Variants in CCDC141 observed in about 807,000 individuals in gnomAD.
CCDC141 encodes the protein coiled-coil domain-containing protein 141.
A neutral mutation model predicts 181.0 loss-of-function variants in CCDC141; 168 were observed. The observed-to-expected ratio is 0.93, with a 90% CI of 0.82 to 1.05. The LOEUF (loss-of-function observed/expected upper bound fraction) is 1.05. Ranked by LOEUF, CCDC141 falls within the 50% of genes least tolerant of loss-of-function variation. The probability of loss-of-function intolerance (pLI) is 0.00; values close to 1 mark genes in which losing one functional copy is unlikely to be tolerated. For missense variants in CCDC141, 1,902 were observed against 1,788.5 expected (o/e 1.06, Z -1.14); for synonymous variants, 666 against 642.3 (o/e 1.04, Z -0.56).
Position 178,905,380 on chromosome 2 carries a change from G to T in CCDC141, c.1214C>A (p.Thr405Asn), listed in dbSNP as rs1483739514. Reference protein sequence around the residue: ...ELHRKIKDCTTDALQKGQTLI... With the variant: ...ELHRKIKDCTNDALQKGQTLI... ...GGTTTGTCCCTTTTGCAAAGCATCA[G>T]TTGTGCAGTCTTTAATTTTTCTGTG... is the stretch of plus-strand genomic sequence containing the variant. The change falls in exon 8 of 24, where the codon ACT becomes AAT. Residue 405 changes from threonine to asparagine, a missense_variant. Coordinates refer to ENST00000443758, the MANE Select transcript of CCDC141 (RefSeq NM_173648.4). The T allele has an allele frequency of 6.4e-7, 1 of 1,550,634 alleles. No individual in the cohort carries two copies. Among genetic ancestry groups the T allele is most frequent in the Admixed American group, 2.0e-5 (1 of 50,986 alleles).
intron 2 of CCDC141, among the ~76,000 whole-genome samples, chr2:179,034,665 G>A (rs1353218530): frequency 1.3e-5 from 2 of 152,130 alleles, no homozygotes; most frequent in African/African-American, 4.8e-5. Context: ...AAAAGGTTGT[G>A]TCAGTCCAAA....
At chr2:178,984,542 C>A (rs961293484) in intron 2 of CCDC141, among the ~76,000 whole-genome samples, 2 of 151,440 alleles carry the variant, frequency 1.3e-5, no homozygotes, top group South Asian at 4.2e-4. Context: ...AGAGTCAAGA[C>A]CCATCAGTGT....
At chr2:178,873,937 T>C (rs571264163) in intron 12 of CCDC141, 1 of 152,198 alleles carries the variant, frequency 6.6e-6, no homozygotes, top group Non-Finnish European at 1.5e-5. Flanking sequence ...ATTAATAAAT[T>C]AGCACTTTCA....
intron 2 of CCDC141, among the ~76,000 whole-genome samples, chr2:178,988,290 A>C (rs1691853230): frequency 7.6e-6 from 1 of 130,926 alleles, no homozygotes; most frequent in East Asian, 2.3e-4. Context: ...GGACACAGGA[A>C]GGGGAACATC....
At chr2:178,852,110 C>T (rs1685190125) in intron 20 of CCDC141, among the ~76,000 whole-genome samples, 1 of 152,188 alleles carries the variant, frequency 6.6e-6, no homozygotes, top group South Asian at 2.1e-4. Flanking sequence ...TCCTCAAATA[C>T]AGCTTACACT....
chr2:178,856,144 G>A (rs938696792), intron 18 of CCDC141, 113 bp downstream of exon 18: 17 of 903,188 alleles, frequency 1.9e-5, no homozygotes, highest in Non-Finnish European at 2.7e-5. Flanking sequence ...GAGTCCCAAT[G>A]CTACAAAAAG....
rs749569180 is a variant in CCDC141 at position 178,865,912 on chromosome 2, C to G, written c.2579G>C (p.Cys860Ser). Residue 860 changes from cysteine to serine, a missense_variant, in exon 17 of 24, where the codon TGC becomes TCC. Coordinates refer to ENST00000443758, the MANE Select transcript of CCDC141 (RefSeq NM_173648.4). Reference protein sequence around the residue: ...DIISSVQRPHCSNVSAKNLQQ... With the variant: ...DIISSVQRPHSSNVSAKNLQQ... ...TAGGTTCTTTGCAGAAACATTAGAG[C>G]AGTGCTAAAAGAGACAAATGGTGGT... The G allele has an allele frequency of 6.3e-7, 1 of 1,576,592 alleles. No individual in the cohort carries two copies. Among genetic ancestry groups the G allele is most frequent in the Non-Finnish European group, 8.6e-7 (1 of 1,161,990 alleles).
chr2:179,027,416 G>A (rs192862512), intron 2 of CCDC141, among the ~76,000 whole-genome samples: 20 of 151,912 alleles, frequency 1.3e-4, no homozygotes, highest in African/African-American at 2.7e-4. Context: ...AGGCTGAGGC[G>A]GGCGGATCAC....
intron 12 of CCDC141, chr2:178,873,874 T>C (rs756570712): frequency 2.1e-4 from 32 of 152,188 alleles, no homozygotes; most frequent in Non-Finnish European, 7.3e-5. Context: ...TCAGATACCT[T>C]GATAATAGGA....
chr2:178,865,655 TTG>T, intron 17 of CCDC141, 110 bp downstream of exon 17: 13 of 987,830 alleles, frequency 1.3e-5, no homozygotes, highest in Non-Finnish European at 1.6e-5. Context: ...TCCTGATTCA[TTG>T]TGTGTTTGCA....
chr2:179,026,839 T>C (rs533677883), intron 2 of CCDC141, among the ~76,000 whole-genome samples: 1 of 152,230 alleles, frequency 6.6e-6, no homozygotes, highest in Non-Finnish European at 1.5e-5. Flanking sequence ...AGGTGAGACA[T>C]AGAGTCAAAG....
At chr2:178,981,561 T>C (rs1345924696) in intron 2 of CCDC141, among the ~76,000 whole-genome samples, 2 of 149,156 alleles carry the variant, frequency 1.3e-5, no homozygotes, top group Non-Finnish European at 3.0e-5. Context: ...AATGAAAATA[T>C]GATGTATCAA....
rs910150746 is a variant in CCDC141 at position 178,918,426 on chromosome 2, A to G, written c.1092+287T>C. 2.0e-5 allele frequency among the ~76,000 whole-genome samples: 3 copies of G among 152,272 alleles called. No individual in the cohort carries two copies. The South Asian group carries it at 6.2e-4, about 32-fold the overall frequency. ...CTTTCTCAAAACAACAACAAAAACC[A>G]TCCAATGAACCAAACCAAACCAAAC... is the stretch of plus-strand genomic sequence containing the variant. On this transcript the variant is annotated intron_variant, in intron 7 of 23. Transcript: ENST00000443758.
intron 5 of CCDC141, among the ~76,000 whole-genome samples, chr2:178,945,853 G>GCACACA (rs10649193): frequency 0.019 from 2,793 of 149,554 alleles, 36 homozygotes; most frequent in African/African-American, 0.036. Context: ...ACACATGCGT[G>GCACACA]CACACACACA....
chr2:178,864,425 A>G (rs1460911687), intron 17 of CCDC141, among the ~76,000 whole-genome samples: 1 of 152,216 alleles, frequency 6.6e-6, no homozygotes, highest in African/African-American at 2.4e-5. Flanking sequence ...GGAAGTGGCC[A>G]TTCTATCAAG....
chr2:178,845,768 G>A (rs1199101125), intron 21 of CCDC141, 26 bp from the exon 22 acceptor site: 3 of 1,379,956 alleles, frequency 2.2e-6, no homozygotes, highest in South Asian at 2.3e-5. Flanking sequence ...GTTAGTGAGA[G>A]CATGAGCCAG....
intron 8 of CCDC141, among the ~76,000 whole-genome samples, chr2:178,896,155 A>G (rs1470677654): frequency 6.6e-6 from 1 of 152,226 alleles, no homozygotes; most frequent in Non-Finnish European, 1.5e-5. Context: ...TGTGGCAGGT[A>G]TTGATTCAGT....
intron 2 of CCDC141, among the ~76,000 whole-genome samples, chr2:179,029,618 T>C (rs779762242): frequency 2.0e-5 from 3 of 152,178 alleles, no homozygotes; most frequent in African/African-American, 4.8e-5. Flanking sequence ...TAGTTACATA[T>C]TGGATCCATA....
intron 2 of CCDC141, among the ~76,000 whole-genome samples, chr2:178,988,850 T>C (rs542209590): frequency 6.6e-6 from 1 of 152,294 alleles, no homozygotes; most frequent in African/African-American, 2.4e-5. Context: ...AATGTACCTA[T>C]ATGTCTATGG....
Sources: allele counts gnomAD v4.1 joint callset (sites outside exome capture counted in the v4.1 genomes callset), GRCh38; gene constraint gnomAD v4.1.1; transcripts MANE v1.5; gene names NCBI Gene and HGNC (gene_info 2026-07-23, HGNC 2026-07-21).